Variants in DPY19L1 observed in about 807,000 individuals in gnomAD.
DPY19L1 encodes dpy-19 like C-mannosyltransferase 1.
Under a neutral mutation model 96.9 loss-of-function variants are expected in DPY19L1, and 35 were observed. That is an observed-to-expected ratio of 0.36 (90% confidence interval 0.28 to 0.48). The LOEUF (loss-of-function observed/expected upper bound fraction) is 0.48. DPY19L1 is among the 20% of genes least tolerant of loss of function. DPY19L1 has a pLI of 0.99. For missense variants in DPY19L1, 521 were observed against 777.9 expected (o/e 0.67, Z 3.93); for synonymous variants, 205 against 252.6 (o/e 0.81, Z 1.79).
Position 35,037,416 on chromosome 7 carries a change from C to A in DPY19L1, c.-22G>T. The A allele has an allele frequency of 3.0e-6, 1 of 328,068 alleles. No individual in the cohort carries two copies. The highest frequency in any genetic ancestry group is 1.4e-4 in the South Asian group (1 of 7,030). The allele number at this position is 328,068 out of a possible 1,614,324, so 20.3% of individuals were successfully genotyped here. A position where few individuals can be genotyped will look rare whatever the true frequency, so the allele number is the denominator to read the frequency against. On this transcript the variant is annotated 5_prime_UTR_variant, in exon 1 of 22. Coordinates refer to ENST00000638088, the MANE Select transcript of DPY19L1 (RefSeq NM_001366673.1). ...CCATCTTGGCATAGTCGCGCCCGCT[C>A]GCTGCGCGCGCCCGGACGGCGGCCA...
intron 16 of DPY19L1, among the ~76,000 whole-genome samples, chr7:34,944,104 C>A (rs1018981726): frequency 1.3e-5 from 2 of 151,944 alleles, no homozygotes; most frequent in African/African-American, 2.4e-5. Flanking sequence ...GTGGCTCATG[C>A]CTATAATCCC....
intron 21 of DPY19L1, among the ~76,000 whole-genome samples, chr7:34,935,365 A>G (rs1783848107): frequency 6.6e-6 from 1 of 152,054 alleles, no homozygotes; most frequent in Non-Finnish European, 1.5e-5. Context: ...AATCTGAATA[A>G]TTTCCTTCTA....
chr7:34,980,425 T>A (rs758697402), intron 7 of DPY19L1, among the ~76,000 whole-genome samples: 1 of 151,922 alleles, frequency 6.6e-6, no homozygotes, highest in Non-Finnish European at 1.5e-5. Context: ...TAAATGGAAC[T>A]TCATGAAAAT....
intron 6 of DPY19L1, 54 bp downstream of exon 6, chr7:35,010,414 A>T (rs4464864): frequency 2.4e-4 from 239 of 984,282 alleles, no homozygotes; most frequent in Middle Eastern, 1.2e-3. Flanking sequence ...ACTATTAACT[A>T]ATCAACTATT....
At chr7:34,961,697 T>C (rs1171622651) in intron 10 of DPY19L1, among the ~76,000 whole-genome samples, 3 of 152,066 alleles carry the variant, frequency 2.0e-5, no homozygotes, top group African/African-American at 7.2e-5. Flanking sequence ...AGGACAATGA[T>C]TGAGAGAAGA....
At position 35,018,225 on chromosome 7, in the gene DPY19L1, T is replaced by C. The variant is rs116675759; in HGVS notation, c.324-256A>G. Among the ~76,000 whole-genome samples the C allele has an allele frequency of 8.2e-3, 1,247 of 152,198 alleles. 20 individuals carry two copies. Among genetic ancestry groups the C allele is most frequent in the African/African-American group, 0.029 (1,194 of 41,566 alleles). On this transcript the variant is annotated intron_variant, in intron 2 of 21. Transcript: ENST00000638088. ...TTTTAAGTGAAGTACAATAAAAGTA[T>C]AGATTAAACTGTAAATGTCATTGGG...
intron 6 of DPY19L1, among the ~76,000 whole-genome samples, chr7:35,007,227 A>G (rs1326566500): frequency 2.0e-5 from 3 of 152,244 alleles, no homozygotes; most frequent in Non-Finnish European, 4.4e-5. Context: ...AATTTTGGAA[A>G]GAACCTTCAG....
chr7:34,984,266 TG>T (rs1785000692), intron 7 of DPY19L1, among the ~76,000 whole-genome samples: 1 of 152,128 alleles, frequency 6.6e-6, no homozygotes, highest in Non-Finnish European at 1.5e-5. Flanking sequence ...ACCATTGAGA[TG>T]CAAACTGAAA....
chr7:35,002,170 C>T (rs974882904), intron 6 of DPY19L1, among the ~76,000 whole-genome samples: 1 of 143,432 alleles, frequency 7.0e-6, no homozygotes, highest in Non-Finnish European at 1.5e-5. Context: ...ACAAAAAAAA[C>T]CCACACACAC....
At chr7:34,947,970 C>G (rs1421884832) in intron 14 of DPY19L1, among the ~76,000 whole-genome samples, 1 of 152,082 alleles carries the variant, frequency 6.6e-6, no homozygotes, top group Non-Finnish European at 1.5e-5. Flanking sequence ...TTGCATGCTA[C>G]TTATCTAACT....
chr7:35,038,013 G>A, upstream of DPY19L1: 2 of 894,172 alleles, frequency 2.2e-6, no homozygotes, highest in Non-Finnish European at 2.9e-6. Flanking sequence ...GCGGGGCAGG[G>A]AGAAGGCGCC....
intron 7 of DPY19L1, among the ~76,000 whole-genome samples, chr7:34,981,803 T>A (rs1784946081): frequency 6.6e-6 from 1 of 151,938 alleles, no homozygotes; most frequent in Admixed American, 6.6e-5. Context: ...GTATAAAAAT[T>A]AGCCAGGCGT....
chr7:34,955,292 A>T lies in DPY19L1; in HGVS notation c.1239+16T>A. 1 of 1,570,776 alleles carries T rather than the reference A, an allele frequency of 6.4e-7. No individual in the cohort carries two copies. The highest frequency in any genetic ancestry group is 8.7e-7 in the Non-Finnish European group (1 of 1,154,226). On this transcript the variant is annotated intron_variant, in intron 12 of 21. Coordinates refer to ENST00000638088, the MANE Select transcript of DPY19L1 (RefSeq NM_001366673.1). ...GAGAAGAAAAAACATAAGCATTAAA[A>T]TAGATTGATTCTCACCCATAAACTA... is the stretch of plus-strand genomic sequence containing the variant.
intron 6 of DPY19L1, among the ~76,000 whole-genome samples, chr7:35,004,809 T>C (rs1436870497): frequency 6.6e-6 from 1 of 152,232 alleles, no homozygotes; most frequent in Non-Finnish European, 1.5e-5. Context: ...AGTAAAAGTA[T>C]TGCATGGGAT....
chr7:34,972,546 C>A (rs562500165), intron 8 of DPY19L1, among the ~76,000 whole-genome samples: 8 of 151,980 alleles, frequency 5.3e-5, no homozygotes, highest in African/African-American at 1.7e-4. Context: ...AAAAAAGCCA[C>A]GGTCAAGAAT....
chr7:35,002,400 T>C (rs1584248766), intron 6 of DPY19L1, among the ~76,000 whole-genome samples: 6 of 151,770 alleles, frequency 4.0e-5, no homozygotes, highest in African/African-American at 1.4e-4. Flanking sequence ...TGTTCTAGAA[T>C]GTAGAACAAA....
intron 8 of DPY19L1, among the ~76,000 whole-genome samples, chr7:34,969,789 C>T (rs1467437690): frequency 6.6e-6 from 1 of 151,970 alleles, no homozygotes; most frequent in East Asian, 1.9e-4. Flanking sequence ...ACATTTTTTT[C>T]AAATTATATT....
Position 34,963,712 on chromosome 7 carries a change from G to A in DPY19L1, c.1092+3182C>T, listed in dbSNP as rs558775795. Among the ~76,000 whole-genome samples the A allele has an allele frequency of 5.5e-3, 817 of 149,320 alleles. 5 individuals carry two copies. Among genetic ancestry groups the A allele is most frequent in the African/African-American group, 0.019 (768 of 40,454 alleles). On this transcript the variant is annotated intron_variant, in intron 10 of 21. Coordinates refer to ENST00000638088, the MANE Select transcript of DPY19L1 (RefSeq NM_001366673.1). The stretch of plus-strand genomic sequence containing the variant: ...TAAGCAGAATCGTGTGTGTGTGTGC[G>A]TGTGTGTGTGTGTCTGTGTACACAC...
intron 16 of DPY19L1, among the ~76,000 whole-genome samples, chr7:34,943,571 T>C (rs1335905198): frequency 6.6e-6 from 1 of 152,210 alleles, no homozygotes; most frequent in Non-Finnish European, 1.5e-5. Context: ...ATAGTTAAAA[T>C]TTATGTCCTA....
Sources: gnomAD v4.1 joint callset for allele counts (sites outside exome capture counted in the v4.1 genomes callset) on GRCh38, gnomAD v4.1.1 for gene constraint, MANE v1.5 for transcripts, NCBI Gene and HGNC (gene_info 2026-07-23, HGNC 2026-07-21) for gene names.